The following GALNT15 variants were observed in gnomAD, a reference collection of about 807,000 sequenced individuals.
GALNT15 encodes the protein polypeptide N-acetylgalactosaminyltransferase 15.
A neutral mutation model predicts 66.8 loss-of-function variants in GALNT15; 67 were observed. The ratio of observed to expected loss-of-function variants is 1.00; its 90% CI spans 0.82 to 1.23. GALNT15 has a LOEUF of 1.23. Among genes scored for constraint, GALNT15 ranks in the 50% most tolerant of loss-of-function variants. GALNT15 has a pLI of 0.00. For synonymous variants in GALNT15, 313 were observed against 311.5 expected (o/e 1.00, Z -0.05); for missense variants, 827 against 804.3 (o/e 1.03, Z -0.34).
rs558140670 is a variant in GALNT15 at position 16,219,458 on chromosome 3, G to A, written c.1448G>A (p.Arg483Gln). The A allele has an allele frequency of 2.3e-5, 37 of 1,614,180 alleles. No individual in the cohort carries two copies. Among genetic ancestry groups the A allele is most frequent in the Admixed American group, 8.3e-5 (5 of 60,026 alleles). Residue 483 changes from arginine to glutamine, a missense_variant, in exon 7 of 10, where the codon CGG (arginine) becomes CAG (glutamine). Physicochemically the swap from Arg to Gln is conservative, Grantham distance 43. Transcript: ENST00000339732. The surrounding 1 kb of genome is among the most constrained non-coding windows in gnomAD (Gnocchi z 4.3). ...RLQLQRRLGC[R>Q]TFHWFLANVY... ...CAGCTGCAAAGGAGACTGGGTTGTC[G>A]GACATTCCACTGGTTTCTGGCTAAT...
At chr3:16,233,641 G>A (rs1326949418), downstream of GALNT15, among the ~76,000 whole-genome samples, 2 of 152,012 alleles carry the variant, frequency 1.3e-5, no homozygotes, top group African/African-American at 2.4e-5. Context: ...TCCAGCACCA[G>A]GTTTTTGTGG....
intron 1 of GALNT15, among the ~76,000 whole-genome samples, chr3:16,179,010 T>A (rs984487160): frequency 6.6e-6 from 1 of 152,234 alleles, no homozygotes; most frequent in Admixed American, 6.5e-5. Flanking sequence ...GGCCTTTTTC[T>A]GAGTACCTTT....
At chr3:16,237,967 G>A in the GALNT15 span, among the ~76,000 whole-genome samples, 12 of 152,194 alleles carry the variant, frequency 7.9e-5, no homozygotes, top group African/African-American at 2.9e-4. The surrounding 1 kb of genome is among the most constrained non-coding windows in gnomAD (Gnocchi z 4.2). Context: ...TCCAGATGAC[G>A]CTAGCCTTGC....
At position 16,200,814 on chromosome 3, in the gene GALNT15, C is replaced by A; in HGVS notation, c.902C>A (p.Ala301Asp). Residue 301 changes from alanine to aspartate, a missense_variant, in exon 3 of 10, where the codon GCT becomes GAT. Transcript: ENST00000339732. This position sits in a 1 kb window ranked among gnomAD's most constrained non-coding sequence, Gnocchi z 4.4. ...GWLEPLLSRI[A>D]GDRSRVVSPV... ...CTGGAGCCCCTCCTCAGCAGAATAG[C>A]TGGTGACAGGTAACTTATTCCCTGG... is the stretch of plus-strand genomic sequence containing the variant. 1 of 1,605,154 alleles carries A rather than the reference C, an allele frequency of 6.2e-7. No homozygotes were observed. The highest frequency in any genetic ancestry group is 2.3e-5 in the East Asian group (1 of 44,326).
At chr3:16,222,466 C>CT in intron 8 of GALNT15, 149 bp from the exon 9 acceptor site, 1 of 902,782 alleles carries the variant, frequency 1.1e-6, no homozygotes, top group South Asian at 1.6e-5. Flanking sequence ...TGTTTTTGGA[C>CT]TTGACCATGA....
At chr3:16,232,202 G>T (rs2064088367), downstream of GALNT15, among the ~76,000 whole-genome samples, 1 of 151,874 alleles carries the variant, frequency 6.6e-6, no homozygotes, top group South Asian at 2.1e-4. Context: ...CCCATGTTGG[G>T]CCAATCAGCA....
Position 16,211,792 on chromosome 3 carries a change from T to A in GALNT15, c.1197+551T>A, listed in dbSNP as rs1335062646. Among the ~76,000 whole-genome samples the A allele has an allele frequency of 1.3e-5, 2 of 152,260 alleles. No individual in the cohort carries two copies. The highest frequency in any genetic ancestry group is 3.9e-4 in the East Asian group (2 of 5,184). On this transcript the variant is annotated intron_variant, in intron 5 of 9. Coordinates refer to ENST00000339732, the MANE Select transcript of GALNT15 (RefSeq NM_054110.5). This position sits in a 1 kb window ranked among gnomAD's most constrained non-coding sequence, Gnocchi z 4.3. ...ACCCAACACCAAAAAAAATTCATCA[T>A]CAAGAGTGCAGAGATCTAATGCTGA...
Position 16,195,912 on chromosome 3 carries a change from A to G in GALNT15, c.692A>G (p.Asp231Gly). 1 of 1,613,940 alleles carries G rather than the reference A, an allele frequency of 6.2e-7. No homozygotes were observed. Among genetic ancestry groups the G allele is most frequent in the South Asian group, 1.1e-5 (1 of 91,062 alleles). ...CTGAAGGAGATCATCCTCGTGGACG[A>G]CCTCAGCCAGCAAGGTAGCCACGGC... ...AFLKEIILVDDLSQQGQLKSA... is the reference protein window; with the variant it reads ...AFLKEIILVDGLSQQGQLKSA... The change falls in exon 2 of 10, where the codon GAC becomes GGC. Residue 231 changes from aspartate (D) to glycine (G), a missense_variant. Transcript: ENST00000339732. This position sits in a 1 kb window ranked among gnomAD's most constrained non-coding sequence, Gnocchi z 4.6.
chr3:16,244,260 T>A, the GALNT15 span, among the ~76,000 whole-genome samples: 1 of 152,200 alleles, frequency 6.6e-6, no homozygotes, highest in Non-Finnish European at 1.5e-5. Context: ...AGCTCGCCGA[T>A]CCATTTCCTG....
At position 16,219,931 on chromosome 3, in the gene GALNT15, C is replaced by T. The variant is rs1160071215; in HGVS notation, c.1546C>T (p.Leu516Phe). Reference protein sequence around the residue: ...SGKLHNTGLGLCADCQAEGDI... With the variant: ...SGKLHNTGLGFCADCQAEGDI... ...TCAGCTCCACAACACTGGACTTGGG[C>T]TCTGTGCAGACTGCCAGGCAGAAGG... The change falls in exon 8 of 10, where the codon CTC (leucine) becomes TTC (phenylalanine). Residue 516 changes from leucine (L) to phenylalanine (F), a missense_variant. Coordinates refer to ENST00000339732, the MANE Select transcript of GALNT15 (RefSeq NM_054110.5). This position sits in a 1 kb window ranked among gnomAD's most constrained non-coding sequence, Gnocchi z 4.3. 10 of 1,614,188 alleles carry T rather than the reference C, an allele frequency of 6.2e-6. No individual in the cohort carries two copies. Among genetic ancestry groups the T allele is most frequent in the Non-Finnish European group, 7.6e-6 (9 of 1,179,996 alleles).
rs1394297899 is a variant in GALNT15 at position 16,202,502 on chromosome 3, G to A, written c.911+1679G>A. On this transcript the variant is annotated intron_variant, in intron 3 of 9. Coordinates refer to ENST00000339732, the MANE Select transcript of GALNT15 (RefSeq NM_054110.5). ...ACAAAAATTAACTGGGTGTGGTAGC[G>A]TGCGCCTGTAATCCCAGCTACTCGG... Among the ~76,000 whole-genome samples, 4 of 152,146 alleles carry A rather than the reference G, an allele frequency of 2.6e-5. No homozygotes were observed. The East Asian group carries it at 5.8e-4, about 22-fold the overall frequency.
At position 16,229,466 on chromosome 3, in the gene GALNT15, A is replaced by G; in HGVS notation, c.*1966A>G. On this transcript the variant is annotated 3_prime_UTR_variant, in exon 10 of 10. Coordinates refer to ENST00000339732, the MANE Select transcript of GALNT15 (RefSeq NM_054110.5). ...GAACATTTCATCACAGTTCTGTTGG[A>G]CCAATCTAGATAGATTCATTATCCC... The G allele has an allele frequency of 1.0e-6, 1 of 980,970 alleles. No individual in the cohort carries two copies. Among genetic ancestry groups the G allele is most frequent in the Non-Finnish European group, 1.2e-6 (1 of 825,914 alleles). The allele number at this position is 980,970 out of a possible 1,614,324, so 60.8% of individuals were successfully genotyped here.
chr3:16,248,032 C>T, the GALNT15 span, among the ~76,000 whole-genome samples: 676 of 152,306 alleles, frequency 4.4e-3, 3 homozygotes, highest in African/African-American at 0.015. This position sits in a 1 kb window ranked among gnomAD's most constrained non-coding sequence, Gnocchi z 4.9. Flanking sequence ...CCCACCTGCT[C>T]CATTTTCACT....
At chr3:16,222,433 A>G (rs1231634562) in intron 8 of GALNT15, among the ~76,000 whole-genome samples, 182 bp from the exon 9 acceptor site, 5 of 152,238 alleles carry the variant, frequency 3.3e-5, no homozygotes, top group Admixed American at 3.3e-4. Flanking sequence ...GGGACTTCAG[A>G]GGCTATGACT....
At position 16,176,170 on chromosome 3, in the gene GALNT15, A is replaced by G. The variant is rs17041951; in HGVS notation, c.539+480A>G. Reference sequence around the variant, plus strand: ...GTGTTTGCTTTTAGTTTGGATCAAAATAACAATTGCAGTTTACATTTAGGG... The same window carrying G: ...GTGTTTGCTTTTAGTTTGGATCAAAGTAACAATTGCAGTTTACATTTAGGG... On this transcript the variant is annotated intron_variant, in intron 1 of 9. Transcript: ENST00000339732. The surrounding 1 kb of genome is among the most constrained non-coding windows in gnomAD (Gnocchi z 5.6). 8.6e-3 allele frequency among the ~76,000 whole-genome samples: 1,311 copies of G among 152,336 alleles called. 22 individuals are homozygous for G. The highest frequency in any genetic ancestry group is 0.03 in the African/African-American group (1,228 of 41,566).
chr3:16,226,111 A>C (rs1443853019), intron 9 of GALNT15, among the ~76,000 whole-genome samples: 1 of 152,156 alleles, frequency 6.6e-6, no homozygotes, highest in Admixed American at 6.5e-5. Flanking sequence ...ACATTTATAT[A>C]GTTCCATTTA....
At chr3:16,236,122 A>G (rs1164382660), downstream of GALNT15, among the ~76,000 whole-genome samples, 1 of 146,758 alleles carries the variant, frequency 6.8e-6, no homozygotes, top group Non-Finnish European at 1.5e-5. Context: ...AAAAAAAAAA[A>G]AAAAAAAAAG....
At chr3:16,222,484 T>A (rs1416639358) in intron 8 of GALNT15, 131 bp from the exon 9 acceptor site, 1 of 1,101,864 alleles carries the variant, frequency 9.1e-7, no homozygotes, top group Non-Finnish European at 1.3e-6. Flanking sequence ...TGAGATATGG[T>A]CTTTCTGACC....
chr3:16,210,941 A>G (rs2063806576), intron 4 of GALNT15, among the ~76,000 whole-genome samples, 183 bp from the exon 5 acceptor site: 1 of 152,186 alleles, frequency 6.6e-6, no homozygotes, highest in Non-Finnish European at 1.5e-5. Flanking sequence ...TTTCCATCAA[A>G]CACTGGGATT....
Sources: gnomAD v4.1 joint callset for allele counts (sites outside exome capture counted in the v4.1 genomes callset) on GRCh38, gnomAD v4.1.1 for gene constraint, Gnocchi (gnomAD v3.1) non-coding constraint, MANE v1.5 for transcripts, NCBI Gene and HGNC (gene_info 2026-07-23, HGNC 2026-07-21) for gene names.